TRAPPC11: variants seen among roughly 807,000 people sequenced by gnomAD.
The protein encoded by TRAPPC11 is trafficking protein particle complex subunit 11.
A neutral mutation model predicts 151.2 loss-of-function variants in TRAPPC11; 104 were observed. The ratio of observed to expected loss-of-function variants is 0.69; its 90% CI spans 0.59 to 0.81. TRAPPC11 has a LOEUF of 0.81. Ranked by LOEUF, TRAPPC11 falls within the 30% of genes least tolerant of loss-of-function variation. TRAPPC11 has a pLI of 0.00. For synonymous variants in TRAPPC11, 456 were observed against 472.3 expected, an observed-to-expected ratio of 0.97 and a Z score of 0.45; for missense variants, 1,230 against 1,349.6, an observed-to-expected ratio of 0.91 and a Z score of 1.39.
At chr4:183,703,807 G>C (rs1227711110) in intron 26 of TRAPPC11, among the ~76,000 whole-genome samples, 3 of 152,176 alleles carry the variant, frequency 2.0e-5, no homozygotes, top group Non-Finnish European at 2.9e-5. Context: ...TCCCACTTTA[G>C]CTGTACCACA....
rs2111348673 is a variant in TRAPPC11 at position 183,680,205 on chromosome 4, C to T, written c.1051C>T (p.Gln351Ter). The T allele has an allele frequency of 1.2e-6, 2 of 1,613,886 alleles. No homozygotes were observed. The highest frequency in any genetic ancestry group is 1.6e-4 in the Middle Eastern group (1 of 6,062). ...IQTQNPGFYYQQAAYYAQERK... is the reference protein window; with the variant it reads ...IQTQNPGFYY ...AACTCAGAATCCTGGTTTCTATTAC[C>T]AGCAGGCAGCATACTATGCCCAGGA... is the stretch of plus-strand genomic sequence containing the variant. The change falls in exon 10 of 30, where the codon CAG becomes TAG. Residue 351 changes from glutamine to a stop codon, truncating the protein, a stop_gained. Transcript: ENST00000334690. LOFTEE classifies it high-confidence loss of function.
chr4:183,702,742 T>C (rs1254247152), intron 26 of TRAPPC11, among the ~76,000 whole-genome samples: 1 of 152,230 alleles, frequency 6.6e-6, no homozygotes, highest in Non-Finnish European at 1.5e-5. Flanking sequence ...GTAATTTCTT[T>C]CTTAGACTGG....
chr4:183,676,086 A>G (rs1041197093), intron 7 of TRAPPC11, among the ~76,000 whole-genome samples: 1 of 152,222 alleles, frequency 6.6e-6, no homozygotes, highest in African/African-American at 2.4e-5. Flanking sequence ...GAGATGTTTA[A>G]GTACCAAAGC....
intron 15 of TRAPPC11, 36 bp from the exon 16 acceptor site, chr4:183,685,048 G>A (rs1281107590): frequency 6.3e-7 from 1 of 1,590,104 alleles, no homozygotes; most frequent in Admixed American, 1.7e-5. Flanking sequence ...TTAATTATAA[G>A]TACTTAAAAT....
intron 8 of TRAPPC11, among the ~76,000 whole-genome samples, chr4:183,677,893 T>C (rs1735490190): frequency 6.6e-6 from 1 of 152,162 alleles, no homozygotes; most frequent in African/African-American, 2.4e-5. Context: ...TGACTTCTTC[T>C]TGGTTTAATG....
At chr4:183,697,603 G>T (rs184659487) in intron 24 of TRAPPC11, 35 bp downstream of exon 24, 20 of 1,605,160 alleles carry the variant, frequency 1.2e-5, no homozygotes, top group Middle Eastern at 1.7e-4. Flanking sequence ...AAATCATTTA[G>T]GTTATAAAAA....
At chr4:183,706,157 C>T (rs1472123715) in intron 27 of TRAPPC11, 1 of 152,210 alleles carries the variant, frequency 6.6e-6, no homozygotes, top group East Asian at 1.9e-4. Flanking sequence ...TATAACTTCA[C>T]TGAAACACAG....
rs754155679 is a variant in TRAPPC11 at position 183,699,525 on chromosome 4, T to C, written c.2851+1690T>C. Among the ~76,000 whole-genome samples, 7 of 152,338 alleles carry C rather than the reference T, an allele frequency of 4.6e-5. No individual in the cohort carries two copies. The East Asian group carries it at 1.3e-3, about 29-fold the overall frequency. On this transcript the variant is annotated intron_variant, in intron 25 of 29. Transcript: ENST00000334690. ...ACTTAGCTAATAAGTGTTTACTAAA[T>C]TAAGGAATAATCTGTGGCTTGAACT...
chr4:183,668,194 T>C lies in TRAPPC11; in HGVS notation c.560+77T>C, dbSNP rs149774874. On this transcript the variant is annotated intron_variant, in intron 5 of 29. Transcript: ENST00000334690. Reference sequence around the variant, plus strand: ...AAATTGGTAGCTTAGACCCATTTATTTTTTTAAAAAATCATGTTCATGAAA... The same window carrying C: ...AAATTGGTAGCTTAGACCCATTTATCTTTTTAAAAAATCATGTTCATGAAA... 27 of 788,776 alleles carry C rather than the reference T, an allele frequency of 3.4e-5. No individual in the cohort carries two copies. The East Asian group carries it at 7.1e-4, about 21-fold the overall frequency. 48.9% of individuals were successfully genotyped at this position (788,776 alleles called of 1,614,324 possible). A position where few individuals can be genotyped will look rare whatever the true frequency, so the allele number is the denominator to read the frequency against.
Position 183,668,049 on chromosome 4 carries a change from A to G in TRAPPC11, c.492A>G (p.Ala164=), listed in dbSNP as rs368033997. ...AAAGGGCTGCAGCTTTATGCAATGC[A>G]TGTGAACTCTCAGGAAAGTCTTTGT... ...ASERAAALCN[A]CELSGKSLFV... Residue 164 remains alanine (A), a synonymous_variant, in exon 5 of 30, where the codon GCA becomes GCG. Coordinates refer to ENST00000334690, the MANE Select transcript of TRAPPC11 (RefSeq NM_021942.6). The G allele has an allele frequency of 6.2e-7, 1 of 1,613,958 alleles. No homozygotes were observed. The highest frequency in any genetic ancestry group is 8.5e-7 in the Non-Finnish European group (1 of 1,179,830).
chr4:183,677,518 G>A lies in TRAPPC11; in HGVS notation c.795G>A (p.Leu265=), dbSNP rs532379078. 1.2e-6 allele frequency: 2 copies of A among 1,606,034 alleles called. No homozygotes were observed. The highest frequency in any genetic ancestry group is 2.2e-5 in the South Asian group (2 of 90,654). The part of the protein sequence containing the change: ...HELRAHETNI[L]EIKTMAGFIN... ...TGAGAGCCCATGAAACTAATATTCT[G>A]GAAATTAAGACTATGGCAGGATTTA... The change falls in exon 8 of 30, where the codon CTG becomes CTA. Residue 265 remains leucine (L), a synonymous_variant. Transcript: ENST00000334690.
chr4:183,689,196 T>C (rs1736130823), intron 18 of TRAPPC11, among the ~76,000 whole-genome samples: 1 of 152,162 alleles, frequency 6.6e-6, no homozygotes, highest in Non-Finnish European at 1.5e-5. Flanking sequence ...ATTGAGTTGC[T>C]GGTGTTGGGA....
At chr4:183,692,656 C>G (rs144705155) in intron 19 of TRAPPC11, among the ~76,000 whole-genome samples, 2 of 152,116 alleles carry the variant, frequency 1.3e-5, no homozygotes, top group African/African-American at 4.8e-5. Flanking sequence ...ACTAATTGAA[C>G]CTTCATTACA....
At chr4:183,672,693 T>C (rs1256662504) in intron 5 of TRAPPC11, among the ~76,000 whole-genome samples, 1 of 152,196 alleles carries the variant, frequency 6.6e-6, no homozygotes. Context: ...GAGGAAATAA[T>C]AGCACTTACC....
At chr4:183,698,546 T>C (rs1156809885) in intron 25 of TRAPPC11, among the ~76,000 whole-genome samples, 1 of 152,240 alleles carries the variant, frequency 6.6e-6, no homozygotes, top group Non-Finnish European at 1.5e-5. Flanking sequence ...TTTCATGAAC[T>C]TGGATGGTTC....
intron 1 of TRAPPC11, among the ~76,000 whole-genome samples, chr4:183,660,875 G>C (rs1038731330): frequency 1.3e-5 from 2 of 152,096 alleles, no homozygotes; most frequent in South Asian, 2.1e-4. Flanking sequence ...CACCATGCCC[G>C]GCTAATTTTT....
In TRAPPC11 at chr4:183,665,341, A is replaced by G. The variant is rs191120504; in HGVS notation, c.205-916A>G. ...GATCTCCTGACCTCGTGATCTGCCC[A>G]CCTTGGCCTCCCAAAGTGCTGGGAT... On this transcript the variant is annotated intron_variant, in intron 2 of 29. Transcript: ENST00000334690. 3.0e-3 allele frequency among the ~76,000 whole-genome samples: 449 copies of G among 151,998 alleles called. 2 individuals carry two copies. Among genetic ancestry groups the G allele is most frequent in the Admixed American group, 5.0e-3 (77 of 15,268 alleles).
intron 2 of TRAPPC11, among the ~76,000 whole-genome samples, chr4:183,665,595 A>G (rs1444779103): frequency 6.6e-6 from 1 of 152,228 alleles, no homozygotes; most frequent in Non-Finnish European, 1.5e-5. Context: ...TTGGATCACC[A>G]TGAAGTGGAG....
intron 17 of TRAPPC11, among the ~76,000 whole-genome samples, chr4:183,686,211 A>G (rs1293294247): frequency 1.3e-5 from 2 of 152,076 alleles, no homozygotes; most frequent in Non-Finnish European, 2.9e-5. Context: ...ACCTCCGTTT[A>G]CCACAACCTC....
Sources: allele counts gnomAD v4.1 joint callset (sites outside exome capture counted in the v4.1 genomes callset), GRCh38; gene constraint gnomAD v4.1.1; transcripts MANE v1.5; gene names NCBI Gene and HGNC (gene_info 2026-07-23, HGNC 2026-07-21).